Variants in CSNK2A2IP observed in about 807,000 individuals in gnomAD.
The protein encoded by CSNK2A2IP is casein kinase II subunit alpha'-interacting protein.
the CSNK2A2IP span, among the ~76,000 whole-genome samples, chr3:88,352,576 T>C: frequency 8.6e-5 from 13 of 152,002 alleles, no homozygotes; most frequent in Non-Finnish European, 1.8e-4. Flanking sequence ...TATAGATTAA[T>C]TAATTAATTT....
the CSNK2A2IP span, among the ~76,000 whole-genome samples, chr3:88,390,278 T>A: frequency 0.92 from 140,784 of 152,200 alleles, 65,828 homozygotes; most frequent in South Asian, 1. Flanking sequence ...TCCATGTAGC[T>A]TTTTTGGATT....
chr3:88,453,265 T>C, the CSNK2A2IP span, among the ~76,000 whole-genome samples: 4 of 152,082 alleles, frequency 2.6e-5, no homozygotes, highest in Admixed American at 2.0e-4. Flanking sequence ...ATCTCTTGAG[T>C]TATAAAAAAT....
chr3:88,461,592 G>A, the CSNK2A2IP span, among the ~76,000 whole-genome samples: 1 of 152,020 alleles, frequency 6.6e-6, no homozygotes. Flanking sequence ...TAATGGTAAA[G>A]CTAAGAAATT....
chr3:88,361,508 T>C, the CSNK2A2IP span, among the ~76,000 whole-genome samples: 1 of 152,208 alleles, frequency 6.6e-6, no homozygotes, highest in African/African-American at 2.4e-5. Context: ...CCATTTTATG[T>C]GTCATTTTCT....
the CSNK2A2IP span, among the ~76,000 whole-genome samples, chr3:88,367,356 A>G: frequency 6.6e-6 from 1 of 152,092 alleles, no homozygotes; most frequent in Non-Finnish European, 1.5e-5. Flanking sequence ...TGAGGTACAG[A>G]AGGTGTCATA....
chr3:88,453,976 G>A, the CSNK2A2IP span, among the ~76,000 whole-genome samples: 9 of 151,990 alleles, frequency 5.9e-5, no homozygotes, highest in Non-Finnish European at 1.2e-4. Flanking sequence ...AGATTATGTG[G>A]TACATGTATA....
chr3:88,450,440 A>G, the CSNK2A2IP span, among the ~76,000 whole-genome samples: 1 of 152,054 alleles, frequency 6.6e-6, no homozygotes, highest in Non-Finnish European at 1.5e-5. Flanking sequence ...TCTGGTCTCC[A>G]CCCTTTCTGC....
At chr3:88,345,969 G>T in the CSNK2A2IP span, among the ~76,000 whole-genome samples, 2 of 151,438 alleles carry the variant, frequency 1.3e-5, no homozygotes, top group African/African-American at 2.4e-5. Context: ...GTTCTTGAAG[G>T]GAATTAAAAG....
the CSNK2A2IP span, among the ~76,000 whole-genome samples, chr3:88,382,322 C>A: frequency 6.6e-6 from 1 of 152,152 alleles, no homozygotes; most frequent in Non-Finnish European, 1.5e-5. Flanking sequence ...AAATCTGTGA[C>A]ATGAGTCTGT....
chr3:88,439,354 T>C, the CSNK2A2IP span, among the ~76,000 whole-genome samples: 417 of 151,932 alleles, frequency 2.7e-3, 1 homozygote, highest in African/African-American at 9.4e-3. Flanking sequence ...TACAGTCTAA[T>C]AAAACAACAA....
chr3:88,437,433 T>A, the CSNK2A2IP span, among the ~76,000 whole-genome samples: 881 of 152,356 alleles, frequency 5.8e-3, 8 homozygotes, highest in African/African-American at 0.02. Flanking sequence ...GACTGTATTT[T>A]AAGTTTGACT....
the CSNK2A2IP span, among the ~76,000 whole-genome samples, chr3:88,404,110 A>G: frequency 1.3e-5 from 2 of 152,158 alleles, no homozygotes; most frequent in East Asian, 3.9e-4. Flanking sequence ...ATATCAGAAA[A>G]AAAAAAAGTT....
the CSNK2A2IP span, chr3:88,343,035 A>G: frequency 6.6e-6 from 1 of 151,980 alleles, no homozygotes; most frequent in Non-Finnish European, 1.5e-5. Flanking sequence ...GCATATTTCC[A>G]GATTCATAAG....
chr3:88,392,213 G>T, the CSNK2A2IP span, among the ~76,000 whole-genome samples: 438 of 152,258 alleles, frequency 2.9e-3, no homozygotes, highest in Middle Eastern at 6.8e-3. Flanking sequence ...AAGCATAAAA[G>T]ATAATACATA....
chr3:88,397,224 G>A, the CSNK2A2IP span, among the ~76,000 whole-genome samples: 1 of 152,204 alleles, frequency 6.6e-6, no homozygotes, highest in East Asian at 1.9e-4. Context: ...CTCAATTCTT[G>A]TTCTTCCTCT....
the CSNK2A2IP span, among the ~76,000 whole-genome samples, chr3:88,349,859 T>A: frequency 6.6e-6 from 1 of 152,138 alleles, no homozygotes; most frequent in African/African-American, 2.4e-5. Context: ...GGTATCTCAT[T>A]GTGGTTTTAA....
chr3:88,420,572 T>C, the CSNK2A2IP span, among the ~76,000 whole-genome samples: 4 of 152,184 alleles, frequency 2.6e-5, no homozygotes, highest in Non-Finnish European at 4.4e-5. Context: ...TTAACATTTA[T>C]ATGATTCTAC....
chr3:88,402,193 C>CTT, the CSNK2A2IP span, among the ~76,000 whole-genome samples: 1 of 151,860 alleles, frequency 6.6e-6, no homozygotes, highest in Non-Finnish European at 1.5e-5. Flanking sequence ...GTAACTTTGG[C>CTT]TTTTAAATAA....
chr3:88,388,456 G>A, the CSNK2A2IP span, among the ~76,000 whole-genome samples: 1 of 152,120 alleles, frequency 6.6e-6, no homozygotes, highest in South Asian at 2.1e-4. Flanking sequence ...ACAGTCTTTG[G>A]TCAGAATCTT....
Sources: allele counts gnomAD v4.1 joint callset (sites outside exome capture counted in the v4.1 genomes callset), GRCh38; gene constraint gnomAD v4.1.1; transcripts MANE v1.5; gene names NCBI Gene and HGNC (gene_info 2026-07-23, HGNC 2026-07-21).